Variants in FMN1 observed in about 807,000 individuals in gnomAD.
The protein encoded by FMN1 is formin-1.
Under a neutral mutation model 132.4 loss-of-function variants are expected in FMN1, and 110 were observed. The ratio of observed to expected loss-of-function variants is 0.83; its 90% CI spans 0.71 to 0.97. The LOEUF (loss-of-function observed/expected upper bound fraction) is 0.97. FMN1 is among the 50% of genes least tolerant of loss of function. The probability of loss-of-function intolerance (pLI) is 0.00; values close to 1 mark genes in which losing one functional copy is unlikely to be tolerated. For synonymous variants in FMN1, 722 were observed against 651.7 expected, an observed-to-expected ratio of 1.11 and a Z score of -1.64; for missense variants, 1,792 against 1,705.3, an observed-to-expected ratio of 1.05 and a Z score of -0.90.
chr15:32,802,067 C>A (rs1004852913), intron 18 of FMN1, among the ~76,000 whole-genome samples: 1 of 152,156 alleles, frequency 6.6e-6, no homozygotes, highest in Non-Finnish European at 1.5e-5. Context: ...GTCAATCATG[C>A]GATTTGAAAT....
intron 17 of FMN1, among the ~76,000 whole-genome samples, chr15:32,809,586 C>A (rs188781197): frequency 5.4e-4 from 82 of 152,158 alleles, no homozygotes; most frequent in African/African-American, 1.9e-3. Flanking sequence ...GCACTTTGCT[C>A]CTTCTGTTTC....
intron 17 of FMN1, among the ~76,000 whole-genome samples, chr15:32,827,541 TAACGACCCAATGAAGAAAGGACATAC>T: frequency 6.6e-6 from 1 of 152,184 alleles, no homozygotes; most frequent in Non-Finnish European, 1.5e-5. Context: ...TTCATCTTTT[TAACGACCCAATGAAGAAAGGACATAC>T]AGGCCGGACG....
At chr15:33,157,166 G>A (rs1397996284) in intron 3 of FMN1, among the ~76,000 whole-genome samples, 1 of 151,472 alleles carries the variant, frequency 6.6e-6, no homozygotes, top group East Asian at 1.9e-4. Context: ...TCAGGAGGCC[G>A]AGGCACGAGA....
chr15:33,168,761 C>T (rs986511246), intron 3 of FMN1, among the ~76,000 whole-genome samples: 2 of 152,200 alleles, frequency 1.3e-5, no homozygotes, highest in Admixed American at 6.5e-5. Flanking sequence ...CACAAGGCTG[C>T]AGGTTCTAAA....
chr15:32,938,791 G>A (rs986948216), intron 9 of FMN1, among the ~76,000 whole-genome samples: 1 of 152,176 alleles, frequency 6.6e-6, no homozygotes, highest in Admixed American at 6.5e-5. Context: ...AAAAACAGGT[G>A]AAATGTGTTT....
rs563308866 is a variant in FMN1 at position 32,973,299 on chromosome 15, T to C, written c.2224-3822A>G. ...TCCCCAGATATGCCCTGGATTCCAG[T>C]TTCCTAAACAGGTCCATGCTCTTTC... On this transcript the variant is annotated intron_variant, in intron 7 of 20. Coordinates refer to ENST00000616417, the MANE Select transcript of FMN1 (RefSeq NM_001277313.2). Among the ~76,000 whole-genome samples the C allele has an allele frequency of 3.3e-5, 5 of 152,286 alleles. No individual in the cohort carries two copies. In the South Asian group the frequency reaches 1.0e-3, roughly 32 times the overall value.
At chr15:33,112,079 T>C (rs2039728930) in intron 4 of FMN1, among the ~76,000 whole-genome samples, 1 of 152,196 alleles carries the variant, frequency 6.6e-6, no homozygotes, top group Non-Finnish European at 1.5e-5. Flanking sequence ...TACAATTTCA[T>C]GTCTATGAAA....
At chr15:33,162,218 G>A (rs1189083337) in intron 3 of FMN1, among the ~76,000 whole-genome samples, 1 of 152,024 alleles carries the variant, frequency 6.6e-6, no homozygotes, top group African/African-American at 2.4e-5. Context: ...TTGCCATGTT[G>A]TGCAGCCTGG....
At chr15:32,871,270 A>G (rs1162077441) in intron 16 of FMN1, among the ~76,000 whole-genome samples, 3 of 152,230 alleles carry the variant, frequency 2.0e-5, no homozygotes, top group East Asian at 1.9e-4. Context: ...GTCACCATCT[A>G]AGACTTGCAT....
intron 6 of FMN1, among the ~76,000 whole-genome samples, chr15:33,019,491 GC>G (rs1470796921): frequency 6.6e-6 from 1 of 152,228 alleles, no homozygotes. Context: ...CGACTCCTCA[GC>G]CCTTGGGCGG....
At chr15:32,833,125 A>G (rs1567239439) in intron 17 of FMN1, among the ~76,000 whole-genome samples, 2 of 152,122 alleles carry the variant, frequency 1.3e-5, no homozygotes, top group African/African-American at 4.8e-5. Flanking sequence ...ACTGCATGCT[A>G]GCTTTCTAAT....
intron 3 of FMN1, among the ~76,000 whole-genome samples, chr15:33,164,809 A>T (rs533481870): frequency 3.3e-5 from 5 of 152,216 alleles, no homozygotes; most frequent in Non-Finnish European, 5.9e-5. Context: ...TTATGGGTAC[A>T]TAGTAGGTAT....
At chr15:33,131,687 G>A (rs548982593) in intron 4 of FMN1, among the ~76,000 whole-genome samples, 35 of 152,182 alleles carry the variant, frequency 2.3e-4, no homozygotes, top group Admixed American at 9.8e-4. Context: ...CAACCAGCCC[G>A]AGCAGCCATG....
intron 20 of FMN1, among the ~76,000 whole-genome samples, chr15:32,774,845 G>A (rs1411707083): frequency 1.3e-5 from 2 of 152,228 alleles, no homozygotes; most frequent in Non-Finnish European, 2.9e-5. Flanking sequence ...AATGGCAGAA[G>A]TTCCCGATTT....
chr15:33,147,248 G>C (rs1290469168), intron 4 of FMN1, among the ~76,000 whole-genome samples: 1 of 151,752 alleles, frequency 6.6e-6, no homozygotes, highest in African/African-American at 2.4e-5. Context: ...TATAATACTT[G>C]TAATCCAATT....
intron 2 of FMN1, among the ~76,000 whole-genome samples, chr15:33,189,287 T>C (rs1319960025): frequency 6.6e-6 from 1 of 152,054 alleles, no homozygotes; most frequent in East Asian, 1.9e-4. Context: ...TAAAGAGAGA[T>C]GGGGACATTG....
intron 6 of FMN1, among the ~76,000 whole-genome samples, chr15:33,042,100 A>T (rs899508691): frequency 6.6e-6 from 1 of 152,204 alleles, no homozygotes; most frequent in Non-Finnish European, 1.5e-5. Flanking sequence ...CAGAATTAAT[A>T]GAAACATAAA....
At chr15:33,007,276 G>C (rs2034471459) in intron 7 of FMN1, among the ~76,000 whole-genome samples, 1 of 152,120 alleles carries the variant, frequency 6.6e-6, no homozygotes, top group Non-Finnish European at 1.5e-5. Flanking sequence ...CATTAAATGA[G>C]GAAAAAATGT....
intron 16 of FMN1, among the ~76,000 whole-genome samples, chr15:32,880,506 T>C (rs2059743954): frequency 6.6e-6 from 1 of 152,200 alleles, no homozygotes; most frequent in African/African-American, 2.4e-5. Flanking sequence ...GCTTTTTCTC[T>C]GTGCTGGAGG....
Sources: allele counts gnomAD v4.1 joint callset (sites outside exome capture counted in the v4.1 genomes callset), GRCh38; gene constraint gnomAD v4.1.1; transcripts MANE v1.5; gene names NCBI Gene and HGNC (gene_info 2026-07-23, HGNC 2026-07-21).